Variants in CCDC171 observed in about 807,000 individuals in gnomAD.
CCDC171 encodes coiled-coil domain-containing protein 171.
Under a neutral mutation model 168.2 loss-of-function variants are expected in CCDC171, and 177 were observed. The ratio of observed to expected loss-of-function variants is 1.05; its 90% CI spans 0.93 to 1.19. The LOEUF (loss-of-function observed/expected upper bound fraction) is 1.19, where lower values mean the gene tolerates loss of function less well. CCDC171 is among the 50% of genes most tolerant of loss of function. The probability of loss-of-function intolerance (pLI) is 0.00; values close to 1 mark genes in which losing one functional copy is unlikely to be tolerated. For missense variants in CCDC171, 1,991 were observed against 1,539.0 expected (o/e 1.29, Z -4.91); for synonymous variants, 687 against 540.8 (o/e 1.27, Z -3.75).
intron 23 of CCDC171, among the ~76,000 whole-genome samples, chr9:15,857,422 G>C (rs1050175570): frequency 6.6e-6 from 1 of 151,634 alleles, no homozygotes; most frequent in African/African-American, 2.4e-5. Context: ...TGTAAGGTAG[G>C]CTCCATTTTT....
chr9:15,874,218 T>G (rs1303503138), intron 23 of CCDC171, among the ~76,000 whole-genome samples: 1 of 152,094 alleles, frequency 6.6e-6, no homozygotes, highest in East Asian at 1.9e-4. Flanking sequence ...TTTGTGAATG[T>G]TTTTTCTTTT....
chr9:15,872,840 T>G (rs1375149854), intron 23 of CCDC171, among the ~76,000 whole-genome samples: 2 of 151,884 alleles, frequency 1.3e-5, no homozygotes, highest in Admixed American at 1.3e-4. Context: ...GAGTGCACAT[T>G]GGTGACAAAA....
chr9:15,633,407 A>C (rs1171739943), intron 7 of CCDC171, among the ~76,000 whole-genome samples: 1 of 152,232 alleles, frequency 6.6e-6, no homozygotes, highest in East Asian at 1.9e-4. Flanking sequence ...ATGCAGCCAA[A>C]AAAACACATG....
At chr9:15,686,463 C>T (rs770119751) in intron 10 of CCDC171, among the ~76,000 whole-genome samples, 2 of 151,396 alleles carry the variant, frequency 1.3e-5, no homozygotes, top group Admixed American at 6.6e-5. Flanking sequence ...TGTAGTGAGC[C>T]GAGATCGCGC....
intron 21 of CCDC171, among the ~76,000 whole-genome samples, chr9:15,822,700 G>A (rs988483354): frequency 1.8e-4 from 27 of 152,158 alleles, no homozygotes; most frequent in African/African-American, 6.3e-4. Flanking sequence ...TGCTGGAGAG[G>A]ATGTGGAGAA....
intron 21 of CCDC171, among the ~76,000 whole-genome samples, chr9:15,839,803 T>C (rs1166568472): frequency 6.6e-6 from 1 of 152,092 alleles, no homozygotes; most frequent in African/African-American, 2.4e-5. Context: ...TAGAATTTTT[T>C]CCCCCATGGA....
At chr9:16,048,484 T>A (rs566226416) in intron 1 of CCDC171, among the ~76,000 whole-genome samples, 1 of 152,256 alleles carries the variant, frequency 6.6e-6, no homozygotes, top group East Asian at 1.9e-4. Context: ...CCCTGGTACT[T>A]CAGTAACAGT....
chr9:15,854,088 C>G (rs572760679), intron 23 of CCDC171, among the ~76,000 whole-genome samples: 2 of 148,288 alleles, frequency 1.3e-5, no homozygotes, highest in Non-Finnish European at 3.0e-5. Flanking sequence ...CTTTGTCGGG[C>G]TTTAGGATCA....
intron 18 of CCDC171, among the ~76,000 whole-genome samples, chr9:15,757,273 G>A (rs1429259975): frequency 6.6e-6 from 1 of 152,210 alleles, no homozygotes; most frequent in Non-Finnish European, 1.5e-5. Flanking sequence ...TAAGGTCCAG[G>A]CTGAGGTGGT....
intron 21 of CCDC171, among the ~76,000 whole-genome samples, chr9:15,844,283 A>G (rs545185189): frequency 1.8e-4 from 28 of 152,148 alleles, no homozygotes; most frequent in African/African-American, 5.8e-4. Flanking sequence ...TATGTGATAT[A>G]TGGATATATA....
At position 15,724,783 on chromosome 9, in the gene CCDC171, A is replaced by C. The variant is rs779273639; in HGVS notation, c.1499A>C (p.Gln500Pro). 5 of 1,612,408 alleles carry C rather than the reference A, an allele frequency of 3.1e-6. No individual in the cohort carries two copies. The highest frequency in any genetic ancestry group is 4.2e-6 in the Non-Finnish European group (5 of 1,178,850). ...ATTTGGTATCTATGACAGGAACTTC[A>C]GGATAAACTGGCTGATGTTAATAAA... ...DSHTKNIKEL[Q>P]DKLADVNKEL... Residue 500 changes from glutamine to proline, a missense_variant, in exon 14 of 26, where the codon CAG becomes CCG. Gln to Pro is a moderately conservative substitution (Grantham distance 76, BLOSUM62 -1). Coordinates refer to ENST00000380701, the MANE Select transcript of CCDC171 (RefSeq NM_173550.4).
intron 4 of CCDC171, among the ~76,000 whole-genome samples, chr9:15,584,890 A>G (rs747608636): frequency 2.0e-5 from 3 of 152,202 alleles, no homozygotes; most frequent in Non-Finnish European, 2.9e-5. Flanking sequence ...CCATGAGGAA[A>G]GTGAAGTCCT....
chr9:15,676,418 G>A (rs2049566824), intron 9 of CCDC171, among the ~76,000 whole-genome samples: 2 of 151,720 alleles, frequency 1.3e-5, no homozygotes, highest in South Asian at 4.2e-4. Flanking sequence ...TGTTCTGTTG[G>A]TGGTGAGGAG....
rs760537450 is a variant in CCDC171, at chr9:15,744,628, G to A, written c.2405G>A (p.Arg802Gln). ...KTFKGLIRIFRKGVIAVLAAN... is the reference protein window; with the variant it reads ...KTFKGLIRIFQKGVIAVLAAN... ...TTCAAAGGATTGATACGTATATTTC[G>A]GAAAGGTGTTATTGCTGTTTTGGCA... Residue 802 changes from arginine (R) to glutamine (Q), a missense_variant, in exon 17 of 26, where the codon CGG becomes CAG. Coordinates refer to ENST00000380701, the MANE Select transcript of CCDC171 (RefSeq NM_173550.4). The A allele has an allele frequency of 6.8e-6, 11 of 1,614,126 alleles. No individual in the cohort carries two copies. Among genetic ancestry groups the A allele is most frequent in the East Asian group, 2.2e-5 (1 of 44,880 alleles).
chr9:15,837,650 A>G (rs2060507943), intron 21 of CCDC171, among the ~76,000 whole-genome samples: 1 of 152,132 alleles, frequency 6.6e-6, no homozygotes. Context: ...TATGCTTCCA[A>G]CTGTTGCTGA....
chr9:15,751,346 C>T (rs917853774), intron 18 of CCDC171, among the ~76,000 whole-genome samples: 4 of 152,176 alleles, frequency 2.6e-5, no homozygotes, highest in African/African-American at 4.8e-5. Context: ...AATGGCCATA[C>T]TGCCCAAAAT....
chr9:15,909,253 C>T (rs866209865), intron 24 of CCDC171, among the ~76,000 whole-genome samples: 2 of 152,142 alleles, frequency 1.3e-5, no homozygotes, highest in Non-Finnish European at 2.9e-5. Flanking sequence ...TTGGTGTTAC[C>T]ATTGTAGAAG....
chr9:15,709,836 C>T (rs900298147), intron 11 of CCDC171, among the ~76,000 whole-genome samples: 7 of 152,118 alleles, frequency 4.6e-5, no homozygotes, highest in African/African-American at 1.7e-4. Flanking sequence ...TAATTAATTG[C>T]ATATCTTTTT....
At chr9:15,794,080 T>A (rs2058425236) in intron 21 of CCDC171, among the ~76,000 whole-genome samples, 1 of 152,142 alleles carries the variant, frequency 6.6e-6, no homozygotes, top group Non-Finnish European at 1.5e-5. Flanking sequence ...AGAAAATCTT[T>A]CTTTCTTCAT....
Sources: allele counts gnomAD v4.1 joint callset (sites outside exome capture counted in the v4.1 genomes callset), GRCh38; gene constraint gnomAD v4.1.1; transcripts MANE v1.5; gene names NCBI Gene and HGNC (gene_info 2026-07-23, HGNC 2026-07-21).